Variants in ENTREP2 observed in about 807,000 individuals in gnomAD.
The protein encoded by ENTREP2 is protein ENTREP2.
the ENTREP2 span, among the ~76,000 whole-genome samples, chr15:29,491,125 A>AGC: frequency 7.2e-5 from 11 of 152,290 alleles, no homozygotes; most frequent in African/African-American, 2.4e-4. Flanking sequence ...CCAGGTACTA[A>AGC]GCCCCTCACT....
At chr15:29,293,264 T>G in the ENTREP2 span, among the ~76,000 whole-genome samples, 1 of 152,138 alleles carries the variant, frequency 6.6e-6, no homozygotes, top group Non-Finnish European at 1.5e-5. Context: ...GACTCTTTTT[T>G]TTTTTGAGAC....
the ENTREP2 span, among the ~76,000 whole-genome samples, chr15:29,155,793 A>G: frequency 6.6e-6 from 1 of 152,128 alleles, no homozygotes; most frequent in Non-Finnish European, 1.5e-5. Context: ...TCATTGCCTG[A>G]TAGTGTCTTC....
chr15:29,441,523 G>A, the ENTREP2 span, among the ~76,000 whole-genome samples: 4 of 152,062 alleles, frequency 2.6e-5, no homozygotes, highest in African/African-American at 4.8e-5. Context: ...CCCAGCTCTC[G>A]TTCTGCAATT....
At chr15:29,233,928 G>A in the ENTREP2 span, 10 of 1,567,996 alleles carry the variant, frequency 6.4e-6, no homozygotes, top group South Asian at 1.1e-4. Flanking sequence ...TGTTCAGCTG[G>A]AGTATCTACT....
chr15:29,267,405 A>T, the ENTREP2 span: 1 of 152,190 alleles, frequency 6.6e-6, no homozygotes, highest in Non-Finnish European at 1.5e-5. Context: ...TAGTGCATAA[A>T]ACTATTATAT....
chr15:29,506,181 A>T, the ENTREP2 span, among the ~76,000 whole-genome samples: 1 of 152,154 alleles, frequency 6.6e-6, no homozygotes, highest in African/African-American at 2.4e-5. Flanking sequence ...GATTAACTTA[A>T]TGAAATAAAG....
chr15:29,151,854 G>A, the ENTREP2 span: 1 of 1,540,220 alleles, frequency 6.5e-7, no homozygotes, highest in Non-Finnish European at 8.8e-7. Flanking sequence ...GCGAGGAAAG[G>A]TGCAGGAGAA....
the ENTREP2 span, among the ~76,000 whole-genome samples, chr15:29,244,994 C>T: frequency 6.6e-6 from 1 of 152,076 alleles, no homozygotes; most frequent in African/African-American, 2.4e-5. Flanking sequence ...ACAGTTTTAG[C>T]CACAGCAACT....
the ENTREP2 span, among the ~76,000 whole-genome samples, chr15:29,124,941 C>T: frequency 2.4e-4 from 37 of 152,356 alleles, no homozygotes; most frequent in Middle Eastern, 6.8e-3. Context: ...GCCAGGCCTG[C>T]CGTGGGTCAA....
the ENTREP2 span, among the ~76,000 whole-genome samples, chr15:29,341,659 C>A: frequency 0.019 from 2,823 of 152,270 alleles, 136 homozygotes; most frequent in East Asian, 0.1. Flanking sequence ...GCAAAGGCTG[C>A]ATCTTGTGTC....
At chr15:29,278,060 G>A in the ENTREP2 span, among the ~76,000 whole-genome samples, 1 of 152,232 alleles carries the variant, frequency 6.6e-6, no homozygotes, top group Non-Finnish European at 1.5e-5. Flanking sequence ...GAGAGAAACA[G>A]GTGACTGTAG....
the ENTREP2 span, among the ~76,000 whole-genome samples, chr15:29,175,453 C>T: frequency 6.6e-6 from 1 of 152,194 alleles, no homozygotes; most frequent in African/African-American, 2.4e-5. Flanking sequence ...GACTTTCAGG[C>T]CTCATGCATG....
the ENTREP2 span, among the ~76,000 whole-genome samples, chr15:29,257,514 A>G: frequency 6.6e-6 from 1 of 152,184 alleles, no homozygotes; most frequent in Non-Finnish European, 1.5e-5. Flanking sequence ...GCTTTGGGAT[A>G]TATTCTTAGA....
the ENTREP2 span, among the ~76,000 whole-genome samples, chr15:29,438,503 AAT>A: frequency 1.3e-5 from 2 of 152,020 alleles, no homozygotes; most frequent in Admixed American, 6.6e-5. Context: ...TCAGTGCTGA[AAT>A]AGAGTGTAGC....
chr15:29,445,164 G>A, the ENTREP2 span, among the ~76,000 whole-genome samples: 1 of 152,152 alleles, frequency 6.6e-6, no homozygotes, highest in Admixed American at 6.5e-5. Flanking sequence ...TGGTGATGAC[G>A]GTGGAGCCCT....
chr15:29,534,106 C>CAA, the ENTREP2 span, among the ~76,000 whole-genome samples: 162 of 44,940 alleles, frequency 3.6e-3, 6 homozygotes, highest in Non-Finnish European at 2.9e-3. Flanking sequence ...GCCCCTTGGC[C>CAA]AAAAAAAAAA....
the ENTREP2 span, among the ~76,000 whole-genome samples, chr15:29,326,189 C>T: frequency 6.6e-6 from 1 of 152,164 alleles, no homozygotes; most frequent in African/African-American, 2.4e-5. Flanking sequence ...TCCTCTCTCA[C>T]TACTTCTGTT....
chr15:29,180,041 C>T, the ENTREP2 span, among the ~76,000 whole-genome samples: 4 of 151,990 alleles, frequency 2.6e-5, no homozygotes, highest in African/African-American at 9.7e-5. Flanking sequence ...TCTACAGAGA[C>T]GATCATGATG....
At chr15:29,574,626 T>G in the ENTREP2 span, among the ~76,000 whole-genome samples, 1 of 152,152 alleles carries the variant, frequency 6.6e-6, no homozygotes, top group Non-Finnish European at 1.5e-5. Context: ...CATGACAAGG[T>G]GGCTGAGCTT....
Sources: gnomAD v4.1 joint callset for allele counts (sites outside exome capture counted in the v4.1 genomes callset) on GRCh38, gnomAD v4.1.1 for gene constraint, MANE v1.5 for transcripts, NCBI Gene and HGNC (gene_info 2026-07-23, HGNC 2026-07-21) for gene names.